Variants in FAM98A observed in about 807,000 individuals in gnomAD.
The protein encoded by FAM98A is tRNA splicing ligase complex subunit 3A, also known as protein FAM98A.
FAM98A carries 25 observed loss-of-function variants against 62.9 expected under a neutral mutation model. The observed-to-expected ratio is 0.40, with a 90% CI of 0.29 to 0.56. The LOEUF (loss-of-function observed/expected upper bound fraction) is 0.56, where lower values mean the gene tolerates loss of function less well. Among genes scored for constraint, FAM98A ranks in the 20% least tolerant of loss-of-function variants. The pLI, the probability that FAM98A is intolerant of heterozygous loss-of-function variation, is 0.51. For missense variants in FAM98A, 653 were observed against 640.7 expected (o/e 1.02, Z -0.21); for synonymous variants, 252 against 228.6 (o/e 1.10, Z -0.92).
At chr2:33,586,314 T>C (rs898881388) in intron 6 of FAM98A, among the ~76,000 whole-genome samples, 10 of 152,230 alleles carry the variant, frequency 6.6e-5, no homozygotes, top group Non-Finnish European at 2.9e-5. Flanking sequence ...ATTTCTCTCA[T>C]AATAAGAACT....
At chr2:33,588,553 T>C in intron 3 of FAM98A, 34 bp from the exon 4 acceptor site, 5 of 1,571,494 alleles carry the variant, frequency 3.2e-6, no homozygotes, top group Non-Finnish European at 2.6e-6. Flanking sequence ...CAAAATGAGA[T>C]ACAGCTATAG....
intron 6 of FAM98A, among the ~76,000 whole-genome samples, chr2:33,586,244 TTAAAG>T (rs1456701243): frequency 2.0e-5 from 3 of 152,322 alleles, no homozygotes; most frequent in African/African-American, 4.8e-5. Flanking sequence ...ATTAAATTAT[TTAAAG>T]TAAACAAGTA....
At chr2:33,586,480 A>T in intron 6 of FAM98A, 82 bp downstream of exon 6, 1 of 887,062 alleles carries the variant, frequency 1.1e-6, no homozygotes, top group Non-Finnish European at 1.8e-6. Context: ...CTTCTCCCAT[A>T]GTTGCCAAGT....
rs1023833947 is a variant in FAM98A at position 33,584,993 on chromosome 2, C to G, written c.1340G>C (p.Arg447Thr). Residue 447 changes from arginine to threonine, a missense_variant, in exon 8 of 8, where the codon AGA becomes ACA. Transcript: ENST00000238823. ...ACCATGGTGCCCGCCATCTTGGTAT[C>G]TATTGTCCTGCTGGTAGCCACCACC... Reference protein sequence around the residue: ...YQGGGYQQDNRYQDGGHHGDR... With the variant: ...YQGGGYQQDNTYQDGGHHGDR... 6.2e-7 allele frequency: 1 copy of G among 1,613,942 alleles called. No individual in the cohort carries two copies. The highest frequency in any genetic ancestry group is 1.3e-5 in the African/African-American group (1 of 74,874).
rs756234215 is a variant in FAM98A at position 33,585,673 on chromosome 2, C to A, written c.745G>T (p.Val249Phe). 6.2e-7 allele frequency: 1 copy of A among 1,613,524 alleles called. No homozygotes were observed. Among genetic ancestry groups the A allele is most frequent in the South Asian group, 1.1e-5 (1 of 90,922 alleles). The stretch of plus-strand genomic sequence containing the variant: ...AAGACTGAACGTTTCGGCTGGTAAA[C>A]CTTGGCTAATTTTTCTGTCTGGCTC... ...AKSQTEKLAK[V>F]YQPKRSVLSP... is the part of the protein sequence containing the mutation. Residue 249 changes from valine to phenylalanine, a missense_variant, in exon 7 of 8, where the codon GTT (valine) becomes TTT (phenylalanine). Physicochemically the swap from Val to Phe is conservative, Grantham distance 50 (BLOSUM62 -1). Transcript: ENST00000238823.
intron 1 of FAM98A, 69 bp from the exon 2 acceptor site, chr2:33,595,706 T>A: frequency 9.1e-7 from 1 of 1,102,194 alleles, no homozygotes; most frequent in Non-Finnish European, 1.3e-6. Flanking sequence ...ATAAAACATA[T>A]CTATGTCTTA....
rs1174889987 is a variant in FAM98A, at chr2:33,585,297, A to T, written c.1036T>A (p.Ser346Thr). 6.2e-7 allele frequency: 1 copy of T among 1,613,712 alleles called. No individual in the cohort carries two copies. Among genetic ancestry groups the T allele is most frequent in the South Asian group, 1.1e-5 (1 of 91,048 alleles). Residue 346 changes from serine to threonine, a missense_variant, in exon 8 of 8, where the codon TCC becomes ACC. Coordinates refer to ENST00000238823, the MANE Select transcript of FAM98A (RefSeq NM_015475.5). ...RGGGRGGYEH[S>T]SYGGRGGHEQ... ...TGACCTCCTCGTCCTCCGTATGAGG[A>T]ATGTTCATAGCCACCTCTCCCTCCT...
In FAM98A at chr2:33,583,871, T is replaced by C. The variant is rs1010693880; in HGVS notation, c.*905A>G. The C allele has an allele frequency of 6.5e-6, 1 of 152,742 alleles. No individual in the cohort carries two copies. 9.5% of individuals were successfully genotyped at this position (152,742 alleles called of 1,614,324 possible). A position where few individuals can be genotyped will look rare whatever the true frequency, so the allele number is the denominator to read the frequency against. On this transcript the variant is annotated 3_prime_UTR_variant, in exon 8 of 8. Transcript: ENST00000238823. ...AAGGGCCTCCTGCACTTAGCAAAAA[T>C]CTGTCTTAACTTTGTAGTGCATTTC... is the stretch of plus-strand genomic sequence containing the variant.
Position 33,586,811 on chromosome 2 carries a change from A to G in FAM98A, c.604-133T>C. 3 of 616,102 alleles carry G rather than the reference A, an allele frequency of 4.9e-6. No individual in the cohort carries two copies. The South Asian group carries it at 6.0e-5, about 12-fold the overall frequency. The allele number at this position is 616,102 out of a possible 1,614,324, so 38.2% of individuals were successfully genotyped here. ...TAACAGTCAAAAGTTCTTATTCCATATAATATACTAACAATTAATGAAATG... is the reference window on the plus strand; with the variant it reads ...TAACAGTCAAAAGTTCTTATTCCATGTAATATACTAACAATTAATGAAATG... On this transcript the variant is annotated intron_variant, in intron 5 of 7. Transcript: ENST00000238823.
intron 3 of FAM98A, 198 bp downstream of exon 3, chr2:33,591,882 G>C (rs1030715571): frequency 6.6e-5 from 30 of 452,866 alleles, no homozygotes; most frequent in African/African-American, 5.2e-4. Context: ...AAGAGTATCA[G>C]TTACAAAAAC....
At chr2:33,586,538 T>A in intron 6 of FAM98A, 24 bp downstream of exon 6, 1 of 1,420,354 alleles carries the variant, frequency 7.0e-7, no homozygotes, top group African/African-American at 1.4e-5. Flanking sequence ...AATAGTCTGC[T>A]CTTTTAAATT....
chr2:33,591,295 T>A (rs897387956), intron 3 of FAM98A, among the ~76,000 whole-genome samples: 1 of 152,152 alleles, frequency 6.6e-6, no homozygotes, highest in Admixed American at 6.5e-5. Flanking sequence ...ATCCTCTGAA[T>A]TGTCTGTCAT....
At position 33,592,197 on chromosome 2, in the gene FAM98A, C is replaced by T; in HGVS notation, c.220G>A (p.Glu74Lys). 1 of 1,611,052 alleles carries T rather than the reference C, an allele frequency of 6.2e-7. No homozygotes were observed. Among genetic ancestry groups the T allele is most frequent in the Non-Finnish European group, 8.5e-7 (1 of 1,177,832 alleles). ...QATNSPSEAE[E>K]FQLEVSGLLG... ...AGCCCACTCACCTCAAGCTGGAATT[C>T]TTCAGCTTCACTCGGACCTTTTAAG... The change falls in exon 3 of 8, where the codon GAA becomes AAA. Residue 74 changes from glutamate (E) to lysine (K), a missense_variant. By Grantham distance (56) the Glu-to-Lys change is moderately conservative (BLOSUM62 1). Coordinates refer to ENST00000238823, the MANE Select transcript of FAM98A (RefSeq NM_015475.5).
Position 33,587,260 on chromosome 2 carries a change from G to A in FAM98A, c.583C>T (p.Pro195Ser). The A allele has an allele frequency of 1.2e-6, 2 of 1,611,842 alleles. No homozygotes were observed. The highest frequency in any genetic ancestry group is 2.2e-5 in the South Asian group (2 of 91,044). ...CTCACCCAGTGGGCTGGTCCCATTG[G>A]CTTCTTCAGTAAAGGCTTTCCCACA... ...NHVGKPLLKK[P>S]MGPAHWEKIE... The change falls in exon 5 of 8, where the codon CCA (proline) becomes TCA (serine). Residue 195 changes from proline to serine, a missense_variant. Pro to Ser is a moderately conservative substitution (Grantham distance 74). Transcript: ENST00000238823.
chr2:33,585,281 C>T lies in FAM98A; in HGVS notation c.1052G>A (p.Arg351Gln), dbSNP rs558507477. The T allele has an allele frequency of 2.5e-6, 4 of 1,614,070 alleles. No individual in the cohort carries two copies. The highest frequency in any genetic ancestry group is 2.2e-5 in the East Asian group (1 of 44,862). The stretch of plus-strand genomic sequence containing the variant: ...CCCGCCTCCTTGTTCATGACCTCCT[C>T]GTCCTCCGTATGAGGAATGTTCATA... ...GGYEHSSYGG[R>Q]GGHEQGGGRG... The change falls in exon 8 of 8, where the codon CGA becomes CAA. Residue 351 changes from arginine to glutamine, a missense_variant. Coordinates refer to ENST00000238823, the MANE Select transcript of FAM98A (RefSeq NM_015475.5).
At position 33,585,587 on chromosome 2, in the gene FAM98A, C is replaced by A. The variant is rs1263124397; in HGVS notation, c.831G>T (p.Lys277Asn). 20 of 1,613,976 alleles carry A rather than the reference C, an allele frequency of 1.2e-5. No individual in the cohort carries two copies. The highest frequency in any genetic ancestry group is 2.7e-5 in the African/African-American group (2 of 74,884). ...HLLAARQDLS[K>N]ILRTSSGSIR... ...TAGAGCCGCTGCTTGTCCTTAAAATCTTTGACAAGTCCTGCCTTGCAGCCA... is the reference window on the plus strand; with the variant it reads ...TAGAGCCGCTGCTTGTCCTTAAAATATTTGACAAGTCCTGCCTTGCAGCCA... Residue 277 changes from lysine (K) to asparagine (N), a missense_variant, in exon 7 of 8, where the codon AAG (lysine) becomes AAT (asparagine). By Grantham distance (94) the Lys-to-Asn change is moderately conservative. Coordinates refer to ENST00000238823, the MANE Select transcript of FAM98A (RefSeq NM_015475.5).
chr2:33,595,358 T>C, intron 2 of FAM98A, 131 bp downstream of exon 2: 2 of 689,362 alleles, frequency 2.9e-6, no homozygotes, highest in East Asian at 3.5e-5. Context: ...GGAAAAAAAA[T>C]CTTGGCTTCT....
intron 3 of FAM98A, chr2:33,589,998 A>G (rs1316354340): frequency 2.0e-5 from 3 of 152,208 alleles, no homozygotes; most frequent in African/African-American, 7.2e-5. Context: ...GGTATTCACA[A>G]AATTAGGTTA....
At chr2:33,592,506 C>T (rs1216322501) in intron 2 of FAM98A, among the ~76,000 whole-genome samples, 1 of 152,092 alleles carries the variant, frequency 6.6e-6, no homozygotes. Flanking sequence ...GCTGGGCCTA[C>T]AGGTGTATGC....
Sources: allele counts gnomAD v4.1 joint callset (sites outside exome capture counted in the v4.1 genomes callset), GRCh38; gene constraint gnomAD v4.1.1; transcripts MANE v1.5; gene names NCBI Gene and HGNC (gene_info 2026-07-23, HGNC 2026-07-21).